Variants in NDUFAF5 observed in about 807,000 individuals in gnomAD.
The protein encoded by NDUFAF5 is NADH:ubiquinone oxidoreductase complex assembly factor 5, also known as arginine-hydroxylase NDUFAF5, mitochondrial.
A neutral mutation model predicts 48.9 loss-of-function variants in NDUFAF5; 34 were observed. That is an observed-to-expected ratio of 0.70 (90% CI 0.53 to 0.93). NDUFAF5 has a LOEUF of 0.93. Among genes scored for constraint, NDUFAF5 ranks in the 40% least tolerant of loss-of-function variants. The probability of loss-of-function intolerance (pLI) is 0.00; values close to 1 mark genes in which losing one functional copy is unlikely to be tolerated. For synonymous variants in NDUFAF5, 153 were observed against 150.6 expected (o/e 1.02, Z -0.12); for missense variants, 428 against 427.5 (o/e 1.00, Z -0.01).
intron 10 of NDUFAF5, 59 bp downstream of exon 10, chr20:13,817,016 C>T (rs1406769528): frequency 2.5e-5 from 38 of 1,542,716 alleles, no homozygotes; most frequent in Non-Finnish European, 3.3e-5. Context: ...TTATTGTTTA[C>T]TAACTTGGGG....
rs776803674 is a variant in NDUFAF5, at chr20:13,801,505, C to A, written c.539C>A (p.Pro180Gln). 1.9e-6 allele frequency: 3 copies of A among 1,610,440 alleles called. No individual in the cohort carries two copies. The Admixed American group carries it at 5.0e-5, about 27-fold the overall frequency. ...TTACAGATTCATTATATTTTAAAAC[C>A]AGATGGAGTGTTTATCGGTGCAATG... The part of the protein sequence containing the change: ...ALEQIHYILK[P>Q]DGVFIGAMFG... The change falls in exon 7 of 11, where the codon CCA becomes CAA. Residue 180 changes from proline (P) to glutamine (Q), a missense_variant. Transcript: ENST00000378106.
chr20:13,793,564 CAT>C (rs1982688294), intron 4 of NDUFAF5, among the ~76,000 whole-genome samples: 1 of 152,004 alleles, frequency 6.6e-6, no homozygotes, highest in Admixed American at 6.6e-5. Flanking sequence ...TTATGTGTGT[CAT>C]ATATCATCTT....
intron 8 of NDUFAF5, among the ~76,000 whole-genome samples, chr20:13,813,727 C>T (rs1296167980): frequency 3.3e-5 from 5 of 152,072 alleles, no homozygotes; most frequent in African/African-American, 4.8e-5. Flanking sequence ...TGAGTTTGCC[C>T]GGAGAATGAA....
chr20:13,791,213 G>A (rs1234499957), intron 3 of NDUFAF5, among the ~76,000 whole-genome samples: 1 of 152,198 alleles, frequency 6.6e-6, no homozygotes, highest in African/African-American at 2.4e-5. Flanking sequence ...AGTTGGAAAT[G>A]TGGAACTGGA....
At position 13,820,534 on chromosome 20, in the gene NDUFAF5, TAAAAA is replaced by T. The variant is rs1271764826; in HGVS notation, c.*3330_*3334del. ...CGTGATGAAACCCTGTCTCTACAAA[TAAAAA>T]AAAAATTAGCCAGGCATGGTGGCAC... On this transcript the variant is annotated 3_prime_UTR_variant, in exon 11 of 11. Transcript: ENST00000378106. The T allele has an allele frequency of 6.8e-6, 1 of 147,210 alleles. No homozygotes were observed. Among genetic ancestry groups the T allele is most frequent in the African/African-American group, 2.5e-5 (1 of 39,996 alleles). The allele number at this position is 147,210 out of a possible 1,614,324, so 9.1% of individuals were successfully genotyped here.
At chr20:13,806,458 G>A (rs934246594) in intron 7 of NDUFAF5, among the ~76,000 whole-genome samples, 14 of 152,206 alleles carry the variant, frequency 9.2e-5, no homozygotes, top group East Asian at 1.9e-4. Context: ...GCAGTGAGCC[G>A]AGATCGCACC....
At position 13,807,206 on chromosome 20, in the gene NDUFAF5, C is replaced by G. The variant is rs367692038; in HGVS notation, c.718-1636C>G. ...GGACTACAGGCACCAACCACCATGC[C>G]TGGCTAATTTTTTGTATTTTTAGTA... On this transcript the variant is annotated intron_variant, in intron 7 of 10. Coordinates refer to ENST00000378106, the MANE Select transcript of NDUFAF5 (RefSeq NM_024120.5). 6.4e-4 allele frequency among the ~76,000 whole-genome samples: 97 copies of G among 152,278 alleles called. 1 individual carries two copies. Among genetic ancestry groups the G allele is most frequent in the African/African-American group, 2.2e-3 (92 of 41,566 alleles).
chr20:13,801,450 A>C (rs1344302338), intron 6 of NDUFAF5, 36 bp from the exon 7 acceptor site: 1 of 1,367,766 alleles, frequency 7.3e-7, no homozygotes, highest in Non-Finnish European at 1.0e-6. Context: ...TATATATAAA[A>C]ATTTGAATCA....
chr20:13,793,324 T>A, intron 4 of NDUFAF5, 97 bp downstream of exon 4: 1 of 1,112,726 alleles, frequency 9.0e-7, no homozygotes, highest in Admixed American at 1.9e-5. Flanking sequence ...AGCTTTCTTT[T>A]CTGACACATG....
In NDUFAF5 at chr20:13,818,166, C is replaced by T. The variant is rs1393274397; in HGVS notation, c.*956C>T. On this transcript the variant is annotated 3_prime_UTR_variant, in exon 11 of 11. Coordinates refer to ENST00000378106, the MANE Select transcript of NDUFAF5 (RefSeq NM_024120.5). ...CCTCCTTTACTGTATTAGCAACAAGCTGTCCATGGGTGGGGGCTGTGTGTT... is the reference window on the plus strand; with the variant it reads ...CCTCCTTTACTGTATTAGCAACAAGTTGTCCATGGGTGGGGGCTGTGTGTT... 2 of 454,116 alleles carry T rather than the reference C, an allele frequency of 4.4e-6. No individual in the cohort carries two copies. The highest frequency in any genetic ancestry group is 4.7e-5 in the Admixed American group (2 of 42,568). The allele number at this position is 454,116 out of a possible 1,614,324, so 28.1% of individuals were successfully genotyped here.
At chr20:13,798,965 C>G (rs1433434519) in intron 6 of NDUFAF5, among the ~76,000 whole-genome samples, 2 of 152,068 alleles carry the variant, frequency 1.3e-5, no homozygotes, top group African/African-American at 2.4e-5. Flanking sequence ...GAACAAGATC[C>G]CTGTGGCTTG....
chr20:13,787,481 A>G (rs1263563945), intron 2 of NDUFAF5, 129 bp downstream of exon 2: 1 of 870,774 alleles, frequency 1.1e-6, no homozygotes, highest in South Asian at 1.3e-5. Flanking sequence ...GATTTAAATC[A>G]CTCTGTAAGT....
chr20:13,787,146 G>T (rs927766895), intron 1 of NDUFAF5, 166 bp from the exon 2 acceptor site: 8 of 709,524 alleles, frequency 1.1e-5, no homozygotes, highest in Non-Finnish European at 2.1e-5. Context: ...GAAATAATTT[G>T]CCTCAATTTT....
chr20:13,794,370 C>A (rs1290040962), intron 4 of NDUFAF5, among the ~76,000 whole-genome samples: 1 of 152,096 alleles, frequency 6.6e-6, no homozygotes, highest in Non-Finnish European at 1.5e-5. Flanking sequence ...ACCTCCGCCT[C>A]CCGGGTTCAA....
At position 13,801,516 on chromosome 20, in the gene NDUFAF5, T is replaced by A; in HGVS notation, c.550T>A (p.Phe184Ile). Residue 184 changes from phenylalanine (F) to isoleucine (I), a missense_variant, in exon 7 of 11, where the codon TTT (phenylalanine) becomes ATT (isoleucine). Coordinates refer to ENST00000378106, the MANE Select transcript of NDUFAF5 (RefSeq NM_024120.5). Reference sequence around the variant, plus strand: ...TTATATTTTAAAACCAGATGGAGTGTTTATCGGTGCAATGTTTGGAGGCGA... The same window carrying A: ...TTATATTTTAAAACCAGATGGAGTGATTATCGGTGCAATGTTTGGAGGCGA... The part of the protein sequence containing the change: ...IHYILKPDGV[F>I]IGAMFGGDTL... The A allele has an allele frequency of 6.2e-7, 1 of 1,613,662 alleles. No individual in the cohort carries two copies. The highest frequency in any genetic ancestry group is 8.5e-7 in the Non-Finnish European group (1 of 1,179,674).
intron 5 of NDUFAF5, among the ~76,000 whole-genome samples, chr20:13,795,805 C>G (rs1183306375): frequency 6.6e-6 from 1 of 152,174 alleles, no homozygotes; most frequent in Non-Finnish European, 1.5e-5. Flanking sequence ...GGTGACAAAG[C>G]AAGACCCTGT....
At position 13,808,701 on chromosome 20, in the gene NDUFAF5, A is replaced by G. The variant is rs999975512; in HGVS notation, c.718-141A>G. Reference sequence around the variant, plus strand: ...GACTTTCATAAATCAAACATAAGCCAGATGACATCTATGAAGAATATTGTA... The same window carrying G: ...GACTTTCATAAATCAAACATAAGCCGGATGACATCTATGAAGAATATTGTA... On this transcript the variant is annotated intron_variant, in intron 7 of 10. Transcript: ENST00000378106. 4.9e-6 allele frequency: 3 copies of G among 616,210 alleles called. No individual in the cohort carries two copies. The African/African-American group carries it at 5.6e-5, about 11-fold the overall frequency. The allele number at this position is 616,210 out of a possible 1,614,324, so 38.2% of individuals were successfully genotyped here.
At position 13,820,282 on chromosome 20, in the gene NDUFAF5, G is replaced by A. The variant is rs1210504574; in HGVS notation, c.*3072G>A. On this transcript the variant is annotated 3_prime_UTR_variant, in exon 11 of 11. Transcript: ENST00000378106. Reference sequence around the variant, plus strand: ...TGTGATATGATTGTAAAAAGTTACAGAAGTGTGTGAGTCATGAAGTACCTG... The same window carrying A: ...TGTGATATGATTGTAAAAAGTTACAAAAGTGTGTGAGTCATGAAGTACCTG... 2 of 152,192 alleles carry A rather than the reference G, an allele frequency of 1.3e-5. No homozygotes were observed. The highest frequency in any genetic ancestry group is 1.9e-4 in the East Asian group (1 of 5,202). The allele number at this position is 152,192 out of a possible 1,614,324, so 9.4% of individuals were successfully genotyped here.
chr20:13,788,564 A>G, intron 2 of NDUFAF5, 25 bp from the exon 3 acceptor site: 1 of 1,562,832 alleles, frequency 6.4e-7, no homozygotes, highest in Middle Eastern at 1.7e-4. Context: ...TGGACAGAGC[A>G]TAACCTCTGT....
Sources: allele counts gnomAD v4.1 joint callset (sites outside exome capture counted in the v4.1 genomes callset), GRCh38; gene constraint gnomAD v4.1.1; transcripts MANE v1.5; gene names NCBI Gene and HGNC (gene_info 2026-07-23, HGNC 2026-07-21).